The following LAMA4 variants were observed in gnomAD, a reference collection of about 807,000 sequenced individuals.
LAMA4 encodes the protein laminin subunit alpha-4.
Under a neutral mutation model 207.1 loss-of-function variants are expected in LAMA4, and 127 were observed. The ratio of observed to expected loss-of-function variants is 0.61; its 90% CI spans 0.53 to 0.71. LAMA4 has a LOEUF of 0.71. Among genes scored for constraint, LAMA4 ranks in the 30% least tolerant of loss-of-function variants. LAMA4 has a pLI of 0.00. For synonymous variants in LAMA4, 761 were observed against 816.0 expected, an observed-to-expected ratio of 0.93 and a Z score of 1.15; for missense variants, 2,093 against 2,246.5, an observed-to-expected ratio of 0.93 and a Z score of 1.38.
chr6:112,122,698 G>T (rs1778435304), intron 31 of LAMA4, among the ~76,000 whole-genome samples: 2 of 152,182 alleles, frequency 1.3e-5, no homozygotes, highest in Admixed American at 1.3e-4. Flanking sequence ...ATATGTAGCA[G>T]AATTTTATGT....
intron 9 of LAMA4, 146 bp from the exon 10 acceptor site, chr6:112,178,378 A>C: frequency 1.5e-6 from 1 of 673,156 alleles, no homozygotes; most frequent in Non-Finnish European, 2.7e-6. Context: ...AAATCATCCC[A>C]AAAATAATGC....
intron 26 of LAMA4, among the ~76,000 whole-genome samples, chr6:112,134,238 T>C (rs1411671096): frequency 6.6e-6 from 1 of 152,142 alleles, no homozygotes; most frequent in Admixed American, 6.6e-5. Context: ...GTTCTAAGAG[T>C]AATACAATAA....
intron 5 of LAMA4, among the ~76,000 whole-genome samples, chr6:112,200,738 T>C (rs1783691761): frequency 6.6e-6 from 1 of 152,114 alleles, no homozygotes; most frequent in African/African-American, 2.4e-5. Flanking sequence ...TGCAGGGACA[T>C]GGATGAAGCT....
intron 35 of LAMA4, 45 bp from the exon 36 acceptor site, chr6:112,116,038 A>G (rs374783538): frequency 6.4e-7 from 1 of 1,554,850 alleles, no homozygotes; most frequent in Non-Finnish European, 8.9e-7. Flanking sequence ...GCAAGATCAT[A>G]TTTGTAACTA....
intron 22 of LAMA4, 34 bp downstream of exon 22, chr6:112,140,726 T>C: frequency 6.2e-7 from 1 of 1,601,722 alleles, no homozygotes; most frequent in Non-Finnish European, 8.6e-7. Flanking sequence ...TACTGTAGAT[T>C]TGTAATAGGT....
chr6:112,150,705 C>G, intron 16 of LAMA4, 78 bp from the exon 17 acceptor site: 1 of 964,560 alleles, frequency 1.0e-6, no homozygotes, highest in Non-Finnish European at 1.7e-6. Flanking sequence ...AAGGAAACTT[C>G]TCATTTGTAC....
At position 112,128,971 on chromosome 6, in the gene LAMA4, T is replaced by C. The variant is rs781944026; in HGVS notation, c.4238A>G (p.His1413Arg). 6.2e-7 allele frequency: 1 copy of C among 1,613,450 alleles called. No homozygotes were observed. The highest frequency in any genetic ancestry group is 1.7e-5 in the Admixed American group (1 of 59,984). ...CTTGGATAAATTTTTTCCTTTTTTA[T>C]GGAGGAGAAACAATGGTGAAGACTC... is the stretch of plus-strand genomic sequence containing the variant. The part of the protein sequence containing the change: ...PIESSPLFLL[H>R]KKGKNLSKPK... Residue 1413 changes from histidine to arginine, a missense_variant, in exon 31 of 39, where the codon CAT (histidine) becomes CGT (arginine). Physicochemically the swap from His to Arg is conservative, Grantham distance 29 (BLOSUM62 0). Coordinates refer to ENST00000230538, the MANE Select transcript of LAMA4 (RefSeq NM_001105206.3).
chr6:112,223,573 G>A (rs1785039537), intron 2 of LAMA4, among the ~76,000 whole-genome samples: 1 of 152,182 alleles, frequency 6.6e-6, no homozygotes, highest in Admixed American at 6.5e-5. Flanking sequence ...TTTGGAGGAT[G>A]AACTGTCTAT....
chr6:112,191,750 A>C lies in LAMA4; in HGVS notation c.604T>G (p.Cys202Gly). 2.5e-6 allele frequency: 4 copies of C among 1,614,188 alleles called. No individual in the cohort carries two copies. The highest frequency in any genetic ancestry group is 1.7e-6 in the Non-Finnish European group (2 of 1,179,996). Residue 202 changes from cysteine (C) to glycine (G), a missense_variant, in exon 6 of 39, where the codon TGT becomes GGT. Cys to Gly is a radical substitution (Grantham distance 159). Transcript: ENST00000230538. ...CTACACTGGCCAGTGACTTCATCAC[A>C]ATCTTCAAAGATCAGGTTGGGATCT... ...NSDPNLIFED[C>G]DEVTGQCRNC...
At chr6:112,245,310 G>T (rs1234658699) in intron 2 of LAMA4, among the ~76,000 whole-genome samples, 1 of 152,152 alleles carries the variant, frequency 6.6e-6, no homozygotes, top group Non-Finnish European at 1.5e-5. Context: ...ATTCTAGAGG[G>T]TTCTATAGTC....
chr6:112,170,383 G>A (rs1335200115), intron 12 of LAMA4, among the ~76,000 whole-genome samples: 8 of 152,166 alleles, frequency 5.3e-5, no homozygotes, highest in Non-Finnish European at 1.0e-4. Context: ...ATAGTTCTGG[G>A]TCTTCACTGG....
chr6:112,148,113 C>A, intron 18 of LAMA4, 44 bp downstream of exon 18: 1 of 1,566,232 alleles, frequency 6.4e-7, no homozygotes, highest in Non-Finnish European at 8.8e-7. Context: ...GTTTAATGGC[C>A]AATTCCTTAA....
Position 112,132,863 on chromosome 6 carries a change from G to T in LAMA4, c.3724C>A (p.Gln1242Lys). ...TTCTGAATTGAAGCAATGAAGCTCT[G>T]TCCATTGAAATATGCTCTGCGAGAT... ...LISRRAYFNGQSFIASIQKIS... is the reference protein window; with the variant it reads ...LISRRAYFNGKSFIASIQKIS... Residue 1242 changes from glutamine (Q) to lysine (K), a missense_variant, in exon 28 of 39, where the codon CAG (glutamine) becomes AAG (lysine). Around this residue, in one of 3 missense-constraint regions of LAMA4, gnomAD observed 1,704 missense variants for 1,788.4 expected, o/e 0.95. Coordinates refer to ENST00000230538, the MANE Select transcript of LAMA4 (RefSeq NM_001105206.3). 6.2e-7 allele frequency: 1 copy of T among 1,612,802 alleles called. No homozygotes were observed. Among genetic ancestry groups the T allele is most frequent in the Non-Finnish European group, 8.5e-7 (1 of 1,179,012 alleles).
At chr6:112,128,778 A>G (rs1778849662) in intron 31 of LAMA4, 144 bp downstream of exon 31, 3 of 681,858 alleles carry the variant, frequency 4.4e-6, no homozygotes, top group Admixed American at 5.7e-5. Flanking sequence ...CTGGTAAACT[A>G]GAATATGTGA....
In LAMA4 at chr6:112,133,336, G is replaced by A. The variant is rs782051116; in HGVS notation, c.3696+13C>T. The A allele has an allele frequency of 1.4e-5, 22 of 1,613,256 alleles. 1 individual carries two copies. In the African/African-American group the frequency reaches 2.5e-4, roughly 19 times the overall value. ...TGTGTCTATTAAAAAGCTTTTGACT[G>A]AGTGGTTCTTACAAGTGAGTCTTCT... On this transcript the variant is annotated intron_variant, in intron 27 of 38. Transcript: ENST00000230538.
rs782233453 is a variant in LAMA4 at position 112,150,597 on chromosome 6, C to G, written c.2087G>C (p.Arg696Thr). ...CCTTGCTAGGGCTCCACCCACACGC[C>G]TGCTAGTGTCAGCCACTGCTTCATC... ...SSDEAVADTS[R>T]RVGGALARKS... The change falls in exon 17 of 39, where the codon AGG (arginine) becomes ACG (threonine). Residue 696 changes from arginine (R) to threonine (T), a missense_variant. Transcript: ENST00000230538. 6.2e-7 allele frequency: 1 copy of G among 1,614,048 alleles called. No individual in the cohort carries two copies. The highest frequency in any genetic ancestry group is 1.1e-5 in the South Asian group (1 of 91,076).
In LAMA4 at chr6:112,177,264, T is replaced by G. The variant is rs9487838; in HGVS notation, c.1189+857A>C. Among the ~76,000 whole-genome samples, 1,235 of 152,350 alleles carry G rather than the reference T, an allele frequency of 8.1e-3. 15 individuals are homozygous for G. The highest frequency in any genetic ancestry group is 0.027 in the African/African-American group (1,136 of 41,568). ...TGACAAATGATTAATCTTGCTTTTA[T>G]GTATCCCTTTGCATGCAATATGCCC... On this transcript the variant is annotated intron_variant, in intron 10 of 38. Coordinates refer to ENST00000230538, the MANE Select transcript of LAMA4 (RefSeq NM_001105206.3).
chr6:112,234,721 C>G (rs1554365471), intron 2 of LAMA4: 1 of 151,992 alleles, frequency 6.6e-6, no homozygotes, highest in East Asian at 1.9e-4. Context: ...AAAAAATGTG[C>G]TAAGAAAAAA....
At chr6:112,132,554 T>C (rs926332586) in intron 28 of LAMA4, among the ~76,000 whole-genome samples, 199 bp downstream of exon 28, 4 of 152,204 alleles carry the variant, frequency 2.6e-5, no homozygotes, top group Non-Finnish European at 5.9e-5. Context: ...GGTGGGTCTA[T>C]GAATTCCAGG....
Sources: allele counts gnomAD v4.1 joint callset (sites outside exome capture counted in the v4.1 genomes callset), GRCh38; gene constraint gnomAD v4.1.1; regional missense constraint gnomAD v4.1.1; transcripts MANE v1.5; gene names NCBI Gene and HGNC (gene_info 2026-07-23, HGNC 2026-07-21).